MED10: variants seen among roughly 807,000 people sequenced by gnomAD.
MED10 encodes the protein mediator of RNA polymerase II transcription subunit 10.
Under a neutral mutation model 17.2 loss-of-function variants are expected in MED10, and 9 were observed. The observed-to-expected ratio is 0.52, with a 90% CI of 0.31 to 0.91. The LOEUF is 0.91. Ranked by LOEUF, MED10 falls within the 40% of genes least tolerant of loss-of-function variation. The pLI is 0.04. For synonymous variants in MED10, 66 were observed against 59.8 expected, an observed-to-expected ratio of 1.10 and a Z score of -0.48; for missense variants, 129 against 164.8, an observed-to-expected ratio of 0.78 and a Z score of 1.19.
chr5:6,373,094 GAAC>G (rs1737920230), intron 3 of MED10, among the ~76,000 whole-genome samples: 1 of 152,186 alleles, frequency 6.6e-6, no homozygotes, highest in African/African-American at 2.4e-5. Flanking sequence ...GGAGCCATAA[GAAC>G]AACTATGACA....
intron 2 of MED10, 192 bp from the exon 3 acceptor site, chr5:6,374,618 A>T (rs891341868): frequency 1.9e-6 from 1 of 538,582 alleles, no homozygotes; most frequent in African/African-American, 1.9e-5. Context: ...TGATTTCATT[A>T]CTTCTGATAA....
rs114061986 is a variant in MED10 at position 6,372,430 on chromosome 5, G to A, written c.*73C>T. The A allele has an allele frequency of 5.5e-4, 702 of 1,282,864 alleles. No individual in the cohort carries two copies. The African/African-American group carries it at 9.1e-3, about 17-fold the overall frequency. The allele number at this position is 1,282,864 out of a possible 1,614,324, so 79.5% of individuals were successfully genotyped here. A position where few individuals can be genotyped will look rare whatever the true frequency, so the allele number is the denominator to read the frequency against. On this transcript the variant is annotated 3_prime_UTR_variant, in exon 4 of 4. Transcript: ENST00000255764. ...AGTCCCACCTCAGCAGGAAGGTGGC[G>A]TCAGCACTCGCAGTCCCAGCCTCAC...
chr5:6,376,177 A>AGATCAGAGAC (rs1466479536), intron 2 of MED10, among the ~76,000 whole-genome samples: 2 of 152,244 alleles, frequency 1.3e-5, no homozygotes, highest in East Asian at 3.8e-4. Context: ...GGTGAACAGA[A>AGATCAGAGAC]GATCAGAGAC....
intron 2 of MED10, 186 bp downstream of exon 2, chr5:6,376,979 CG>C: frequency 2.4e-6 from 1 of 422,026 alleles, no homozygotes; most frequent in Non-Finnish European, 4.2e-6. Flanking sequence ...GCCATTAGAA[CG>C]GAAGTTCCAT....
intron 3 of MED10, among the ~76,000 whole-genome samples, chr5:6,373,880 A>C (rs894464609): frequency 2.6e-5 from 4 of 152,246 alleles, no homozygotes; most frequent in Non-Finnish European, 4.4e-5. Context: ...GATCTGGGGA[A>C]TTTCATGACA....
At chr5:6,377,664 T>G (rs1265364467) in intron 1 of MED10, among the ~76,000 whole-genome samples, 1 of 152,168 alleles carries the variant, frequency 6.6e-6, no homozygotes, top group Non-Finnish European at 1.5e-5. Context: ...TCTGGAGCCT[T>G]CCTACAGCAT....
intron 3 of MED10, 37 bp from the exon 4 acceptor site, chr5:6,372,638 ATCAACAC>A: frequency 6.7e-7 from 1 of 1,499,780 alleles, no homozygotes; most frequent in Non-Finnish European, 9.3e-7. Flanking sequence ...AGCTCTTCAC[ATCAACAC>A]TCCAATAACT....
intron 2 of MED10, chr5:6,374,674 G>A: frequency 2.3e-6 from 1 of 432,854 alleles, no homozygotes; most frequent in Non-Finnish European, 4.3e-6. Flanking sequence ...ATAAACCCAA[G>A]CACGCTTCAC....
intron 3 of MED10, among the ~76,000 whole-genome samples, chr5:6,373,009 T>A (rs866748469): frequency 1.3e-5 from 2 of 152,156 alleles, no homozygotes; most frequent in Middle Eastern, 3.4e-3. Context: ...TGATAAGGAG[T>A]GCACTGGCTC....
At chr5:6,378,251 G>A in intron 1 of MED10, 111 bp downstream of exon 1, 1 of 1,389,192 alleles carries the variant, frequency 7.2e-7, no homozygotes, top group South Asian at 1.5e-5. Flanking sequence ...GGGCTGGCGG[G>A]GCACGAGTAG....
At chr5:6,373,740 C>T (rs766664926) in intron 3 of MED10, among the ~76,000 whole-genome samples, 1 of 152,068 alleles carries the variant, frequency 6.6e-6, no homozygotes, top group African/African-American at 2.4e-5. Context: ...AATGAGTGGC[C>T]GTTAAGTCCA....
rs1489783174 is a variant in MED10, at chr5:6,372,008, A to G, written c.*495T>C. 2 of 152,894 alleles carry G rather than the reference A, an allele frequency of 1.3e-5. No homozygotes were observed. Among genetic ancestry groups the G allele is most frequent in the African/African-American group, 4.8e-5 (2 of 41,478 alleles). 9.5% of individuals were successfully genotyped at this position (152,894 alleles called of 1,614,324 possible). On this transcript the variant is annotated 3_prime_UTR_variant, in exon 4 of 4. Transcript: ENST00000255764. ...ACATTTAAAACATTCTTTATGCACTATACTTGAAAATGTAAAATATAATAC... is the reference window on the plus strand; with the variant it reads ...ACATTTAAAACATTCTTTATGCACTGTACTTGAAAATGTAAAATATAATAC...
In MED10 at chr5:6,377,861, G is replaced by A. The variant is rs115894065; in HGVS notation, c.122+501C>T. 2.8e-3 allele frequency among the ~76,000 whole-genome samples: 423 copies of A among 152,312 alleles called. 3 individuals are homozygous for A. The highest frequency in any genetic ancestry group is 0.01 in the Middle Eastern group (3 of 294). ...AAGAAATAATAATAATAAACGTTCT[G>A]CAACCTTTCTCAGCACCACCTCCCC... On this transcript the variant is annotated intron_variant, in intron 1 of 3. Coordinates refer to ENST00000255764, the MANE Select transcript of MED10 (RefSeq NM_032286.3).
At position 6,372,421 on chromosome 5, in the gene MED10, GA is replaced by G. The variant is rs1463718958; in HGVS notation, c.*81del. On this transcript the variant is annotated 3_prime_UTR_variant, in exon 4 of 4. Transcript: ENST00000255764. ...CCAGGGCCCAGTCCCACCTCAGCAGGAAGGTGGCGTCAGCACTCGCAGTCCC... is the reference window on the plus strand; with the variant it reads ...CCAGGGCCCAGTCCCACCTCAGCAGGAGGTGGCGTCAGCACTCGCAGTCCC... 1 of 1,151,348 alleles carries G rather than the reference GA, an allele frequency of 8.7e-7. No homozygotes were observed. Among genetic ancestry groups the G allele is most frequent in the Non-Finnish European group, 1.3e-6 (1 of 763,136 alleles). The allele number at this position is 1,151,348 out of a possible 1,614,324, so 71.3% of individuals were successfully genotyped here.
intron 2 of MED10, among the ~76,000 whole-genome samples, chr5:6,376,633 TC>T (rs1737996642): frequency 6.6e-6 from 1 of 152,168 alleles, no homozygotes; most frequent in Non-Finnish European, 1.5e-5. Flanking sequence ...GTGAGCAGCC[TC>T]CCCAAACATA....
chr5:6,378,259 T>C (rs923240135), intron 1 of MED10, 103 bp downstream of exon 1: 7 of 1,403,208 alleles, frequency 5.0e-6, no homozygotes, highest in Admixed American at 5.3e-5. Flanking sequence ...GGGGCACGAG[T>C]AGCGGTCAGG....
chr5:6,375,219 C>T (rs1410558566), intron 2 of MED10, among the ~76,000 whole-genome samples: 3 of 152,094 alleles, frequency 2.0e-5, no homozygotes, highest in Admixed American at 6.5e-5. Context: ...AAGAGCAGGC[C>T]ACCTACCTTT....
At position 6,372,607 on chromosome 5, in the gene MED10, A is replaced by G. The variant is rs1365789054; in HGVS notation, c.310-6T>C. ...ATCAACAGGCTTTTAAATTTCTACA[A>G]AGAAAATACATTATCAAAGGAGCTC... On this transcript the variant is annotated splice_region_variant and splice_polypyrimidine_tract_variant and intron_variant, in intron 3 of 3. Transcript: ENST00000255764. The G allele has an allele frequency of 1.2e-6, 2 of 1,600,296 alleles. No homozygotes were observed. Among genetic ancestry groups the G allele is most frequent in the Non-Finnish European group, 1.7e-6 (2 of 1,167,342 alleles).
chr5:6,375,902 C>T (rs1222771347), intron 2 of MED10, among the ~76,000 whole-genome samples: 1 of 152,340 alleles, frequency 6.6e-6, no homozygotes, highest in East Asian at 1.9e-4. Context: ...GCACTTCCCT[C>T]GGCCCTTAAG....
Sources: gnomAD v4.1 joint callset for allele counts (sites outside exome capture counted in the v4.1 genomes callset) on GRCh38, gnomAD v4.1.1 for gene constraint, MANE v1.5 for transcripts, NCBI Gene and HGNC (gene_info 2026-07-23, HGNC 2026-07-21) for gene names.